Variants in THSD4 observed in about 807,000 individuals in gnomAD.
THSD4 encodes thrombospondin type 1 domain containing 4, also known as thrombospondin type-1 domain-containing protein 4.
Under a neutral mutation model 119.0 loss-of-function variants are expected in THSD4, and 69 were observed. The observed-to-expected ratio is 0.58, with a 90% confidence interval of 0.48 to 0.71. The LOEUF (loss-of-function observed/expected upper bound fraction) is 0.71, where lower values mean the gene tolerates loss of function less well. THSD4 is among the 30% of genes least tolerant of loss of function. The pLI, the probability that THSD4 is intolerant of heterozygous loss-of-function variation, is 0.00. For synonymous variants in THSD4, 524 were observed against 540.4 expected (o/e 0.97, Z 0.42); for missense variants, 1,393 against 1,391.1 (o/e 1.00, Z -0.02).
intron 7 of THSD4, among the ~76,000 whole-genome samples, chr15:71,557,305 T>C: frequency 6.6e-6 from 1 of 152,230 alleles, no homozygotes; most frequent in Non-Finnish European, 1.5e-5. Flanking sequence ...TGTTAAACTA[T>C]CCTTGCATTC....
intron 6 of THSD4, among the ~76,000 whole-genome samples, chr15:71,318,742 A>G (rs981752019): frequency 2.6e-5 from 4 of 152,120 alleles, no homozygotes; most frequent in Admixed American, 6.5e-5. Flanking sequence ...AGCAGGAGCA[A>G]TGAATCTAAG....
At chr15:71,773,325 A>AT (rs1302435644) in intron 17 of THSD4, among the ~76,000 whole-genome samples, 1 of 152,138 alleles carries the variant, frequency 6.6e-6, no homozygotes, top group East Asian at 1.9e-4. Flanking sequence ...CTTGGAATTG[A>AT]TTGTGTAATT....
At chr15:71,144,241 A>G (rs2040634868) in intron 2 of THSD4, among the ~76,000 whole-genome samples, 1 of 152,200 alleles carries the variant, frequency 6.6e-6, no homozygotes. Flanking sequence ...TTCATAAACC[A>G]GGTGCACATC....
intron 7 of THSD4, among the ~76,000 whole-genome samples, chr15:71,564,647 CAT>C (rs1185817684): frequency 1.1e-4 from 3 of 28,214 alleles, no homozygotes; most frequent in East Asian, 7.5e-4. Context: ...TATATTATAA[CAT>C]ATAATACAAT....
At chr15:71,662,286 G>A (rs2051326170) in intron 8 of THSD4, among the ~76,000 whole-genome samples, 1 of 151,986 alleles carries the variant, frequency 6.6e-6, no homozygotes, top group African/African-American at 2.4e-5. Context: ...GGAAGGGATG[G>A]CAGATGGGAC....
At chr15:71,226,723 CA>C (rs1197803365) in intron 4 of THSD4, among the ~76,000 whole-genome samples, 1 of 152,204 alleles carries the variant, frequency 6.6e-6, no homozygotes, top group East Asian at 1.9e-4. Flanking sequence ...GACCTTCAGT[CA>C]ATACCCAGGG....
chr15:71,268,918 A>G (rs1362577722), intron 6 of THSD4, among the ~76,000 whole-genome samples: 1 of 152,210 alleles, frequency 6.6e-6, no homozygotes, highest in Non-Finnish European at 1.5e-5. Context: ...ACCAGGAAGA[A>G]GTCGAATCCC....
At chr15:71,464,150 T>G (rs1342491696) in intron 7 of THSD4, among the ~76,000 whole-genome samples, 1 of 152,190 alleles carries the variant, frequency 6.6e-6, no homozygotes, top group Non-Finnish European at 1.5e-5. Context: ...TTTATCCCAT[T>G]TTGGTTTAGA....
chr15:71,418,049 A>G lies in THSD4; in HGVS notation c.1152+6226A>G, dbSNP rs565360979. On this transcript the variant is annotated intron_variant, in intron 7 of 17. Coordinates refer to ENST00000261862, the MANE Select transcript of THSD4 (RefSeq NM_024817.3). ...TTTTCAGATTGTTTACTATTGGCAT[A>G]TAGAAATAATGTATATTTGCTGTTC... Among the ~76,000 whole-genome samples the G allele has an allele frequency of 1.4e-4, 15 of 108,584 alleles. 4 individuals are homozygous for G. Among genetic ancestry groups the G allele is most frequent in the African/African-American group, 4.4e-4 (14 of 32,088 alleles). 71.2% of individuals were successfully genotyped at this position (108,584 alleles called of 152,430 possible).
chr15:71,670,013 A>G (rs1167503367), intron 8 of THSD4, among the ~76,000 whole-genome samples: 1 of 152,214 alleles, frequency 6.6e-6, no homozygotes, highest in Non-Finnish European at 1.5e-5. Flanking sequence ...CCTTGCAATG[A>G]CAAGAAACAG....
intron 7 of THSD4, among the ~76,000 whole-genome samples, chr15:71,624,994 GTTGTT>G (rs2050481785): frequency 2.2e-5 from 3 of 138,932 alleles, no homozygotes; most frequent in African/African-American, 7.9e-5. Flanking sequence ...TTGTTTTGTT[GTTGTT>G]TTGTTTGTTT....
At chr15:71,534,119 T>C (rs2048655914) in intron 7 of THSD4, among the ~76,000 whole-genome samples, 1 of 152,120 alleles carries the variant, frequency 6.6e-6, no homozygotes, top group African/African-American at 2.4e-5. Flanking sequence ...TGGCTAGCTT[T>C]TCAATTTTGT....
intron 7 of THSD4, among the ~76,000 whole-genome samples, chr15:71,610,945 G>A (rs2050212714): frequency 6.6e-6 from 1 of 151,198 alleles, no homozygotes; most frequent in South Asian, 2.1e-4. Context: ...GTGTGTAGAT[G>A]TGTGCATATG....
intron 4 of THSD4, among the ~76,000 whole-genome samples, chr15:71,235,170 G>A (rs2140267868): frequency 6.6e-6 from 1 of 152,324 alleles, no homozygotes; most frequent in Middle Eastern, 3.4e-3. Context: ...GAGAAATAGA[G>A]GAGTATCTGT....
intron 8 of THSD4, among the ~76,000 whole-genome samples, chr15:71,683,013 C>T (rs1424317973): frequency 6.6e-6 from 1 of 150,966 alleles, no homozygotes. Flanking sequence ...CTCAACCCCC[C>T]TGGGCTCAAG....
intron 7 of THSD4, among the ~76,000 whole-genome samples, chr15:71,623,135 A>G (rs1044180230): frequency 1.3e-5 from 2 of 152,196 alleles, no homozygotes; most frequent in African/African-American, 4.8e-5. Flanking sequence ...ACTGGAAAGA[A>G]TTGGAGGGAA....
chr15:71,671,139 A>G (rs2051519218), intron 8 of THSD4, among the ~76,000 whole-genome samples: 1 of 152,174 alleles, frequency 6.6e-6, no homozygotes, highest in Non-Finnish European at 1.5e-5. Flanking sequence ...CATCCTCTCC[A>G]GCACCTGTAG....
At chr15:71,513,844 C>CA (rs943625104) in intron 7 of THSD4, among the ~76,000 whole-genome samples, 6 of 152,060 alleles carry the variant, frequency 3.9e-5, no homozygotes, top group African/African-American at 9.7e-5. Flanking sequence ...TACTCAGCAA[C>CA]AAAAAACAAA....
intron 7 of THSD4, among the ~76,000 whole-genome samples, chr15:71,470,172 AT>A (rs902094087): frequency 2.6e-5 from 4 of 151,892 alleles, no homozygotes; most frequent in African/African-American, 9.7e-5. Context: ...AAATCTTTTC[AT>A]TTTTTTTCTA....
Sources: gnomAD v4.1 joint callset for allele counts (sites outside exome capture counted in the v4.1 genomes callset) on GRCh38, gnomAD v4.1.1 for gene constraint, MANE v1.5 for transcripts, NCBI Gene and HGNC (gene_info 2026-07-23, HGNC 2026-07-21) for gene names.